Variants in SHROOM3 observed in about 807,000 individuals in gnomAD.
The protein encoded by SHROOM3 is shroom family member 3.
In SHROOM3, 47 loss-of-function variants were observed where a neutral mutation model predicts 138.6. The ratio of observed to expected loss-of-function variants is 0.34; its 90% CI spans 0.27 to 0.43. SHROOM3 has a LOEUF of 0.43. Among genes scored for constraint, SHROOM3 ranks in the 20% least tolerant of loss-of-function variants. The pLI, the probability that SHROOM3 is intolerant of heterozygous loss-of-function variation, is 1.00. For missense variants in SHROOM3, 2,491 were observed against 2,596.5 expected, an observed-to-expected ratio of 0.96 and a Z score of 0.88; for synonymous variants, 1,062 against 1,063.3, an observed-to-expected ratio of 1.00 and a Z score of 0.02.
intron 1 of SHROOM3, among the ~76,000 whole-genome samples, chr4:76,462,407 A>G (rs1040854006): frequency 2.6e-5 from 4 of 152,146 alleles, no homozygotes; most frequent in African/African-American, 4.8e-5. Context: ...GTCTACATAT[A>G]TGATACATTA....
At chr4:76,533,644 G>A (rs893456110) in intron 1 of SHROOM3, among the ~76,000 whole-genome samples, 1 of 152,170 alleles carries the variant, frequency 6.6e-6, no homozygotes, top group Non-Finnish European at 1.5e-5. Flanking sequence ...ATGTTTGAAA[G>A]CAATACACTA....
intron 2 of SHROOM3, among the ~76,000 whole-genome samples, chr4:76,634,979 T>G (rs1207104605): frequency 6.6e-6 from 1 of 152,208 alleles, no homozygotes; most frequent in African/African-American, 2.4e-5. Flanking sequence ...TCATTGTATT[T>G]ACTCCACAGA....
At chr4:76,471,827 A>G (rs1485427147) in intron 1 of SHROOM3, among the ~76,000 whole-genome samples, 2 of 152,160 alleles carry the variant, frequency 1.3e-5, no homozygotes, top group Non-Finnish European at 2.9e-5. Flanking sequence ...CTTTTTTCTC[A>G]TTAGATGTAA....
chr4:76,624,283 T>A (rs4634247), intron 2 of SHROOM3, among the ~76,000 whole-genome samples: 3 of 152,128 alleles, frequency 2.0e-5, no homozygotes, highest in African/African-American at 7.2e-5. Flanking sequence ...GATCACTGTC[T>A]TGTGCTTGCC....
chr4:76,639,291 G>C (rs1489423265), intron 2 of SHROOM3, among the ~76,000 whole-genome samples: 2 of 152,156 alleles, frequency 1.3e-5, no homozygotes, highest in Admixed American at 6.5e-5. Context: ...ATTCACAAAA[G>C]CCACCCTGAA....
chr4:76,642,771 C>T (rs1427600050), intron 2 of SHROOM3, among the ~76,000 whole-genome samples: 2 of 151,874 alleles, frequency 1.3e-5, no homozygotes, highest in Non-Finnish European at 2.9e-5. Flanking sequence ...GAAGCCAATA[C>T]CCATGAGTGT....
At chr4:76,527,354 G>A (rs554086170) in intron 1 of SHROOM3, among the ~76,000 whole-genome samples, 1 of 152,300 alleles carries the variant, frequency 6.6e-6, no homozygotes, top group Non-Finnish European at 1.5e-5. Flanking sequence ...AGGCCAAGGC[G>A]GCCGGATTGC....
intron 10 of SHROOM3, among the ~76,000 whole-genome samples, chr4:76,774,337 T>G (rs1455177773): frequency 6.6e-6 from 1 of 152,220 alleles, no homozygotes; most frequent in Non-Finnish European, 1.5e-5. Flanking sequence ...TATAGCAGTA[T>G]TGTTTTTTTA....
chr4:76,441,148 GCAGTGGC>G (rs1479328743), intron 1 of SHROOM3, among the ~76,000 whole-genome samples: 1 of 134,464 alleles, frequency 7.4e-6, no homozygotes, highest in African/African-American at 2.7e-5. Context: ...GGAGTGCAGT[GCAGTGGC>G]GCGATCTCGG....
intron 2 of SHROOM3, among the ~76,000 whole-genome samples, chr4:76,633,670 A>G (rs1044935126): frequency 6.6e-6 from 1 of 150,722 alleles, no homozygotes; most frequent in Admixed American, 6.6e-5. Flanking sequence ...AAAAAAAAAA[A>G]AAAAAAAAGA....
intron 2 of SHROOM3, among the ~76,000 whole-genome samples, chr4:76,691,636 G>GAACT (rs1719543221): frequency 6.6e-6 from 1 of 152,214 alleles, no homozygotes; most frequent in South Asian, 2.1e-4. Context: ...TAAAGTAAAT[G>GAACT]AACTGATTCA....
At chr4:76,563,771 A>T (rs139077643) in intron 2 of SHROOM3, among the ~76,000 whole-genome samples, 1 of 152,274 alleles carries the variant, frequency 6.6e-6, no homozygotes, top group East Asian at 1.9e-4. Context: ...CAAGGAACTC[A>T]CCTCTGTGCA....
chr4:76,520,160 G>A (rs1037089143), intron 1 of SHROOM3, among the ~76,000 whole-genome samples: 2 of 152,098 alleles, frequency 1.3e-5, no homozygotes, highest in African/African-American at 4.8e-5. Context: ...GATGTCCCCT[G>A]TACATTAAGC....
At chr4:76,729,286 A>T (rs1314647616) in intron 3 of SHROOM3, among the ~76,000 whole-genome samples, 1 of 152,098 alleles carries the variant, frequency 6.6e-6, no homozygotes, top group African/African-American at 2.4e-5. Flanking sequence ...CCTTAGCTAC[A>T]TTCCAGCCTC....
intron 5 of SHROOM3, among the ~76,000 whole-genome samples, chr4:76,745,271 G>A (rs988858156): frequency 4.6e-5 from 7 of 152,160 alleles, no homozygotes; most frequent in Non-Finnish European, 1.0e-4. Flanking sequence ...AGACAGAAAT[G>A]TATATCTGTT....
chr4:76,763,426 A>ATGG (rs1171838651), intron 9 of SHROOM3, among the ~76,000 whole-genome samples: 1 of 152,032 alleles, frequency 6.6e-6, no homozygotes, highest in African/African-American at 2.4e-5. Context: ...TTAGCTGAGC[A>ATGG]TGGTGGCACA....
intron 1 of SHROOM3, among the ~76,000 whole-genome samples, chr4:76,445,966 C>G (rs750968939): frequency 4.6e-5 from 7 of 152,176 alleles, no homozygotes; most frequent in Non-Finnish European, 8.8e-5. Flanking sequence ...AGTAAATACT[C>G]TCTTTGCTGT....
rs371343036 is a variant in SHROOM3 at position 76,770,917 on chromosome 4, C to G, written c.5622+19C>G. On this transcript the variant is annotated intron_variant, in intron 10 of 10. Coordinates refer to ENST00000296043, the MANE Select transcript of SHROOM3 (RefSeq NM_020859.4). ...AGAAAGGGTAGGTGGCCTAGTGATGCAGTTCAACAAGTTCTCCCTCAAAGC... is the reference window on the plus strand; with the variant it reads ...AGAAAGGGTAGGTGGCCTAGTGATGGAGTTCAACAAGTTCTCCCTCAAAGC... 6.9e-5 allele frequency: 111 copies of G among 1,614,006 alleles called. No homozygotes were observed. The highest frequency in any genetic ancestry group is 1.7e-5 in the Admixed American group (1 of 60,014).
chr4:76,473,028 G>A (rs1373910545), intron 1 of SHROOM3, among the ~76,000 whole-genome samples: 1 of 152,086 alleles, frequency 6.6e-6, no homozygotes, highest in Non-Finnish European at 1.5e-5. Context: ...AAAAGCACAA[G>A]CAACCAGCAT....
Sources: gnomAD v4.1 joint callset for allele counts (sites outside exome capture counted in the v4.1 genomes callset) on GRCh38, gnomAD v4.1.1 for gene constraint, MANE v1.5 for transcripts, NCBI Gene and HGNC (gene_info 2026-07-23, HGNC 2026-07-21) for gene names.